AKAP10: variants seen among roughly 807,000 people sequenced by gnomAD.
AKAP10 encodes A-kinase anchoring protein 10.
In AKAP10, 24 loss-of-function variants were observed where a neutral mutation model predicts 80.8. The observed-to-expected ratio is 0.30, with a 90% CI of 0.22 to 0.42. The LOEUF (loss-of-function observed/expected upper bound fraction) is 0.42, where lower values mean the gene tolerates loss of function less well. Among genes scored for constraint, AKAP10 ranks in the 10% least tolerant of loss-of-function variants. AKAP10 has a pLI of 1.00. For missense variants in AKAP10, 661 were observed against 794.9 expected (o/e 0.83, Z 2.03); for synonymous variants, 291 against 277.7 (o/e 1.05, Z -0.48).
At chr17:19,975,034 G>A (rs529603652) in intron 1 of AKAP10, among the ~76,000 whole-genome samples, 61 of 152,014 alleles carry the variant, frequency 4.0e-4, no homozygotes, top group Non-Finnish European at 7.4e-4. Context: ...TATTCTTTCT[G>A]TATTTTGTTT....
rs57112968 is a variant in AKAP10 at position 19,920,959 on chromosome 17, CTT to C, written c.1752-843_1752-842del. Among the ~76,000 whole-genome samples, 470 of 133,274 alleles carry C rather than the reference CTT, an allele frequency of 3.5e-3. 1 individual carries two copies. The highest frequency in any genetic ancestry group is 0.011 in the African/African-American group (402 of 36,144). 87.4% of individuals were successfully genotyped at this position (133,274 alleles called of 152,430 possible). A position where few individuals can be genotyped will look rare whatever the true frequency, so the allele number is the denominator to read the frequency against. ...ATTAGTATCGAGAAACATAGAGAAT[CTT>C]TTTTTTTTTTTGAATAATGAAGTGT... On this transcript the variant is annotated intron_variant, in intron 11 of 14. Transcript: ENST00000225737.
rs375929756 is a variant in AKAP10, at chr17:19,957,267, C to T, written c.877+747G>A. Among the ~76,000 whole-genome samples, 107 of 151,212 alleles carry T rather than the reference C, an allele frequency of 7.1e-4. 1 individual carries two copies. The highest frequency in any genetic ancestry group is 6.9e-3 in the South Asian group (33 of 4,772). On this transcript the variant is annotated intron_variant, in intron 4 of 14. Coordinates refer to ENST00000225737, the MANE Select transcript of AKAP10 (RefSeq NM_007202.4). ...GTGTAAATAAGATAATCAGTCCGGG[C>T]GCGGTGGCTCATGCCTGTAATCCCA...
intron 4 of AKAP10, among the ~76,000 whole-genome samples, chr17:19,951,666 T>C (rs1225640771): frequency 1.3e-5 from 2 of 152,122 alleles, no homozygotes; most frequent in African/African-American, 2.4e-5. Context: ...TGGTGCAAGA[T>C]GTGCTTTGTT....
intron 4 of AKAP10, among the ~76,000 whole-genome samples, 153 bp downstream of exon 4, chr17:19,957,859 ACT>A (rs2043297928): frequency 6.6e-6 from 1 of 151,714 alleles, no homozygotes; most frequent in East Asian, 1.9e-4. Context: ...CACTGATCTG[ACT>A]CTACTACACT....
In AKAP10 at chr17:19,906,077, G is replaced by A. The variant is rs2042628981; in HGVS notation, c.*150C>T. 5 of 793,330 alleles carry A rather than the reference G, an allele frequency of 6.3e-6. No individual in the cohort carries two copies. Among genetic ancestry groups the A allele is most frequent in the African/African-American group, 1.7e-5 (1 of 57,680 alleles). The allele number at this position is 793,330 out of a possible 1,614,324, so 49.1% of individuals were successfully genotyped here. A position where few individuals can be genotyped will look rare whatever the true frequency, so the allele number is the denominator to read the frequency against. ...TACAGGTAACTGCATTATGGTGGAA[G>A]TCTAGGATTGTCTCCCATTCTCTCC... On this transcript the variant is annotated 3_prime_UTR_variant, in exon 15 of 15. Transcript: ENST00000225737.
At chr17:19,944,765 T>C (rs556964308) in intron 5 of AKAP10, among the ~76,000 whole-genome samples, 1 of 152,322 alleles carries the variant, frequency 6.6e-6, no homozygotes, top group Non-Finnish European at 1.5e-5. Context: ...ACCTTCAAAG[T>C]TTTTAAAAAT....
rs75030915 is a variant in AKAP10 at position 19,917,673 on chromosome 17, G to A, written c.1834+2363C>T. Among the ~76,000 whole-genome samples the A allele has an allele frequency of 2.3e-4, 35 of 152,194 alleles. No homozygotes were observed. In the East Asian group the frequency reaches 4.6e-3, roughly 20 times the overall value. ...GTTCTTTTACCCAATACAAGCTCAC[G>A]CCTGTAAGCCCAGTACTTTGGGAGG... On this transcript the variant is annotated intron_variant, in intron 12 of 14. Coordinates refer to ENST00000225737, the MANE Select transcript of AKAP10 (RefSeq NM_007202.4).
In AKAP10 at chr17:19,946,657, CTTTT is replaced by C. The variant is rs35156168; in HGVS notation, c.976+746_976+749del. ...ATTTGGGTCCAACATATAAGAAAAACTTTTTTTTTTTTTTTTTTTTTAAGGTTAG... is the reference window on the plus strand; with the variant it reads ...ATTTGGGTCCAACATATAAGAAAAACTTTTTTTTTTTTTTTTTAAGGTTAG... On this transcript the variant is annotated intron_variant, in intron 5 of 14. Transcript: ENST00000225737. Among the ~76,000 whole-genome samples, 687 of 111,152 alleles carry C rather than the reference CTTTT, an allele frequency of 6.2e-3. 13 individuals carry two copies. In the East Asian group the frequency reaches 0.086, roughly 14 times the overall value. The allele number at this position is 111,152 out of a possible 152,430, so 72.9% of individuals were successfully genotyped here.
At chr17:19,928,045 C>T (rs1350443504) in intron 10 of AKAP10, among the ~76,000 whole-genome samples, 6 of 151,978 alleles carry the variant, frequency 3.9e-5, no homozygotes, top group African/African-American at 1.5e-4. Flanking sequence ...CATGGTGAAA[C>T]CCTGTCACTA....
chr17:19,971,465 C>T (rs1287449541), intron 1 of AKAP10, among the ~76,000 whole-genome samples: 5 of 150,054 alleles, frequency 3.3e-5, no homozygotes, highest in Non-Finnish European at 4.4e-5. Flanking sequence ...GCTGAGATCA[C>T]GCCACTGCAC....
rs143055074 is a variant in AKAP10 at position 19,922,822 on chromosome 17, C to T, written c.1751+1586G>A. On this transcript the variant is annotated intron_variant, in intron 11 of 14. Transcript: ENST00000225737. ...GGATGAGGCAGAAGAAACGCTTGAA[C>T]CTGGGAGACAGAGGTTGCAGAGAGC... is the stretch of plus-strand genomic sequence containing the variant. 9.1e-3 allele frequency among the ~76,000 whole-genome samples: 1,388 copies of T among 152,264 alleles called. 9 individuals carry two copies. Among genetic ancestry groups the T allele is most frequent in the Non-Finnish European group, 0.015 (994 of 68,010 alleles).
In AKAP10 at chr17:19,911,835, C is replaced by CAAAAAAAAAAAAAAAAAAAAAAA. The variant is rs71157844; in HGVS notation, c.1835-1880_1835-1858dup. ...CGGCAACAAGAGCAAAACTCTGTCA[C>CAAAAAAAAAAAAAAAAAAAAAAA]AAAAAAAAAAAAAAAAAAAAAAAAA... is the stretch of plus-strand genomic sequence containing the variant. On this transcript the variant is annotated intron_variant, in intron 12 of 14. Transcript: ENST00000225737. Among the ~76,000 whole-genome samples the CAAAAAAAAAAAAAAAAAAAAAAA allele has an allele frequency of 5.5e-5, 3 of 55,008 alleles. 1 individual carries two copies. The highest frequency in any genetic ancestry group is 1.1e-4 in the Non-Finnish European group (3 of 28,198). 36.1% of individuals were successfully genotyped at this position (55,008 alleles called of 152,430 possible).
At chr17:19,939,656 A>G (rs1378935038) in intron 8 of AKAP10, 57 bp downstream of exon 8, 5 of 1,569,856 alleles carry the variant, frequency 3.2e-6, no homozygotes, top group Non-Finnish European at 4.3e-6. Flanking sequence ...TTATTTCCAC[A>G]AAACATATCA....
In AKAP10 at chr17:19,968,437, G is replaced by A. The variant is rs370198483; in HGVS notation, c.113C>T (p.Thr38Ile). The A allele has an allele frequency of 3.5e-5, 57 of 1,613,566 alleles. No individual in the cohort carries two copies. The highest frequency in any genetic ancestry group is 1.6e-4 in the Middle Eastern group (1 of 6,084). ...RKVKGKEQEK[T>I]SDVKSIKASI... ...ACCTTTAATGGACTTCACATCTGAGGTCTTCTCTTGTTCTTTGCCTTTCAC... is the reference window on the plus strand; with the variant it reads ...ACCTTTAATGGACTTCACATCTGAGATCTTCTCTTGTTCTTTGCCTTTCAC... The change falls in exon 2 of 15, where the codon ACC (threonine) becomes ATC (isoleucine). Residue 38 changes from threonine to isoleucine, a missense_variant. Physicochemically the swap from Thr to Ile is moderately conservative, Grantham distance 89. Transcript: ENST00000225737.
intron 5 of AKAP10, among the ~76,000 whole-genome samples, chr17:19,942,214 G>GT (rs2043057660): frequency 6.6e-6 from 1 of 152,016 alleles, no homozygotes; most frequent in South Asian, 2.1e-4. Flanking sequence ...CAGTTAAAAG[G>GT]TTACTATCAT....
chr17:19,926,815 A>C (rs1377658246), intron 10 of AKAP10, among the ~76,000 whole-genome samples: 1 of 152,220 alleles, frequency 6.6e-6, no homozygotes, highest in Non-Finnish European at 1.5e-5. Flanking sequence ...TTAGAAGACA[A>C]TACTGTTAAG....
chr17:19,908,367 C>T (rs2042654053), intron 14 of AKAP10, among the ~76,000 whole-genome samples: 1 of 152,136 alleles, frequency 6.6e-6, no homozygotes, highest in Non-Finnish European at 1.5e-5. Context: ...AAGACACTAC[C>T]CAATGCCTTG....
intron 6 of AKAP10, 62 bp from the exon 7 acceptor site, chr17:19,941,072 A>AAT: frequency 6.5e-7 from 1 of 1,532,798 alleles, no homozygotes; most frequent in Non-Finnish European, 8.8e-7. Context: ...AAGTGGGAAA[A>AAT]ATATACTCTT....
rs753110301 is a variant in AKAP10 at position 19,941,836 on chromosome 17, T to C, written c.1051A>G (p.Met351Val). 6.3e-6 allele frequency: 10 copies of C among 1,592,928 alleles called. No homozygotes were observed. Among genetic ancestry groups the C allele is most frequent in the African/African-American group, 1.3e-5 (1 of 74,346 alleles). The part of the protein sequence containing the change: ...VLAQSIVFSA[M>V]EQEHFSEFLR... ...TATGAACTAACTTACTCTTGCTCCA[T>C]TGCACTAAAGACTATGGACTGTGCC... Residue 351 changes from methionine (M) to valine (V), a missense_variant, in exon 6 of 15, where the codon ATG becomes GTG. Physicochemically the swap from Met to Val is conservative, Grantham distance 21. Transcript: ENST00000225737.
Sources: allele counts gnomAD v4.1 joint callset (sites outside exome capture counted in the v4.1 genomes callset), GRCh38; gene constraint gnomAD v4.1.1; transcripts MANE v1.5; gene names NCBI Gene and HGNC (gene_info 2026-07-23, HGNC 2026-07-21).